The following CALCR variants were observed in gnomAD, a reference collection of about 807,000 sequenced individuals.
The protein encoded by CALCR is calcitonin receptor.
In CALCR, 47 loss-of-function variants were observed where a neutral mutation model predicts 59.5. The observed-to-expected ratio is 0.79, with a 90% CI of 0.63 to 1.01. The LOEUF (loss-of-function observed/expected upper bound fraction) is 1.01, where lower values mean the gene tolerates loss of function less well. Among genes scored for constraint, CALCR ranks in the 50% least tolerant of loss-of-function variants. CALCR has a pLI of 0.00. For missense variants in CALCR, 566 were observed against 597.1 expected, an observed-to-expected ratio of 0.95 and a Z score of 0.54; for synonymous variants, 213 against 211.3, an observed-to-expected ratio of 1.01 and a Z score of -0.07.
At chr7:93,551,602 T>C (rs558621603) in intron 2 of CALCR, among the ~76,000 whole-genome samples, 2 of 152,302 alleles carry the variant, frequency 1.3e-5, no homozygotes, top group South Asian at 4.1e-4. Flanking sequence ...AGGAATTTGG[T>C]AAAATCTTGT....
At chr7:93,529,378 A>T (rs1444081982) in intron 2 of CALCR, among the ~76,000 whole-genome samples, 1 of 152,174 alleles carries the variant, frequency 6.6e-6, no homozygotes, top group Non-Finnish European at 1.5e-5. Flanking sequence ...GCTTCCCCAG[A>T]AGCAGGAGCC....
rs565265059 is a variant in CALCR, at chr7:93,432,201, A to T, written c.1191+2052T>A. ...ATAATAATTTCACTGATAACATACC[A>T]ATCATAATCAAAATTAAATTGCACA... On this transcript the variant is annotated intron_variant, in intron 13 of 13. Coordinates refer to ENST00000426151, the MANE Select transcript of CALCR (RefSeq NM_001742.4). Among the ~76,000 whole-genome samples, 5 of 152,352 alleles carry T rather than the reference A, an allele frequency of 3.3e-5. No individual in the cohort carries two copies. In the South Asian group the frequency reaches 1.0e-3, roughly 32 times the overall value.
chr7:93,552,447 TGG>T (rs1276472920), intron 2 of CALCR, among the ~76,000 whole-genome samples: 2 of 152,138 alleles, frequency 1.3e-5, no homozygotes, highest in Admixed American at 6.5e-5. Context: ...TCAGCTTTAT[TGG>T]TATGCAAATG....
At chr7:93,478,626 C>A (rs1279048514) in intron 4 of CALCR, among the ~76,000 whole-genome samples, 2 of 94,906 alleles carry the variant, frequency 2.1e-5, no homozygotes, top group African/African-American at 8.6e-5. Context: ...GAGAGTGAGA[C>A]CCTGTCTTAA....
intron 3 of CALCR, among the ~76,000 whole-genome samples, chr7:93,484,972 T>C (rs1235019360): frequency 6.6e-6 from 1 of 151,704 alleles, no homozygotes; most frequent in East Asian, 2.0e-4. Flanking sequence ...AAAACCTATA[T>C]GGAAATCGAG....
chr7:93,508,955 C>T (rs1801485899), intron 2 of CALCR, among the ~76,000 whole-genome samples: 1 of 152,118 alleles, frequency 6.6e-6, no homozygotes, highest in African/African-American at 2.4e-5. Flanking sequence ...ATTTGGGTTT[C>T]TCTTTCCTAC....
At chr7:93,502,423 G>A (rs935960996) in intron 2 of CALCR, among the ~76,000 whole-genome samples, 1 of 151,980 alleles carries the variant, frequency 6.6e-6, no homozygotes, top group Non-Finnish European at 1.5e-5. Flanking sequence ...AAATAAACAT[G>A]CCCATTGAAA....
At chr7:93,457,486 G>T (rs1047883512) in intron 8 of CALCR, among the ~76,000 whole-genome samples, 2 of 152,146 alleles carry the variant, frequency 1.3e-5, no homozygotes, top group Non-Finnish European at 2.9e-5. Context: ...GAGACAGGGA[G>T]ATATGGGTGT....
chr7:93,566,991 C>A (rs766646088), intron 2 of CALCR, among the ~76,000 whole-genome samples: 1 of 152,090 alleles, frequency 6.6e-6, no homozygotes, highest in Admixed American at 6.5e-5. Context: ...ACCTAAGTAG[C>A]TCCAGCCTAG....
At chr7:93,524,479 T>A (rs1038107047) in intron 2 of CALCR, among the ~76,000 whole-genome samples, 14 of 152,172 alleles carry the variant, frequency 9.2e-5, no homozygotes, top group African/African-American at 2.9e-4. Flanking sequence ...CTGGTTTTTT[T>A]AAAACATACA....
intron 6 of CALCR, among the ~76,000 whole-genome samples, chr7:93,471,090 G>A (rs1000970656): frequency 6.6e-6 from 1 of 151,674 alleles, no homozygotes; most frequent in Admixed American, 6.6e-5. Context: ...ATTATACTAA[G>A]TGCCTAGAGA....
chr7:93,572,213 A>G (rs1790020705), intron 2 of CALCR, among the ~76,000 whole-genome samples: 2 of 152,104 alleles, frequency 1.3e-5, no homozygotes, highest in Non-Finnish European at 2.9e-5. Context: ...ATGTTTATAC[A>G]TATATGTTTC....
intron 2 of CALCR, among the ~76,000 whole-genome samples, chr7:93,534,708 T>G (rs1788941812): frequency 6.6e-6 from 1 of 151,756 alleles, no homozygotes; most frequent in Non-Finnish European, 1.5e-5. Context: ...AACTGGAGTT[T>G]CATTACATTT....
At chr7:93,440,071 T>C (rs1799867406) in intron 9 of CALCR, among the ~76,000 whole-genome samples, 1 of 152,262 alleles carries the variant, frequency 6.6e-6, no homozygotes, top group African/African-American at 2.4e-5. Flanking sequence ...AATCCTAGAA[T>C]TGGAAACATT....
At chr7:93,460,578 T>TATATATATAC (rs1800304198) in intron 8 of CALCR, among the ~76,000 whole-genome samples, 28 of 107,830 alleles carry the variant, frequency 2.6e-4, no homozygotes, top group African/African-American at 1.4e-3. Flanking sequence ...AAAAAATATA[T>TATATATATAC]ATATATATAT....
intron 2 of CALCR, among the ~76,000 whole-genome samples, chr7:93,487,894 G>A (rs942867436): frequency 2.6e-5 from 4 of 151,288 alleles, no homozygotes; most frequent in African/African-American, 7.3e-5. Context: ...TGCAAATTCA[G>A]GAAATACAGA....
chr7:93,471,640 C>T (rs902165561), intron 6 of CALCR, among the ~76,000 whole-genome samples: 26 of 151,656 alleles, frequency 1.7e-4, no homozygotes, highest in Admixed American at 4.0e-4. Flanking sequence ...TGCTTAGAGA[C>T]GCCCTGCACA....
At position 93,438,111 on chromosome 7, in the gene CALCR, C is replaced by T; in HGVS notation, c.879G>A (p.Val293=). ...VYFNDNCWLS[V]ETHLLYIIHG... ...GGATTATGTAAAGCAAATGGGTTTC[C>T]ACACTCAGCCAGCAGCTGAAAAAGG... The change falls in exon 11 of 14, where the codon GTG becomes GTA. Residue 293 remains valine (V), a synonymous_variant. Coordinates refer to ENST00000426151, the MANE Select transcript of CALCR (RefSeq NM_001742.4). 1.2e-6 allele frequency: 2 copies of T among 1,613,904 alleles called. No homozygotes were observed. The highest frequency in any genetic ancestry group is 8.5e-7 in the Non-Finnish European group (1 of 1,179,884).
intron 2 of CALCR, among the ~76,000 whole-genome samples, chr7:93,510,254 C>T (rs1300129722): frequency 6.6e-6 from 1 of 152,102 alleles, no homozygotes. Context: ...TTCTCTACTC[C>T]ATGTTTTTCT....
Sources: allele counts gnomAD v4.1 joint callset (sites outside exome capture counted in the v4.1 genomes callset), GRCh38; gene constraint gnomAD v4.1.1; transcripts MANE v1.5; gene names NCBI Gene and HGNC (gene_info 2026-07-23, HGNC 2026-07-21).